PDE4D: variants seen among roughly 807,000 people sequenced by gnomAD.
PDE4D encodes the protein 3',5'-cyclic-AMP phosphodiesterase 4D.
Under a neutral mutation model 87.4 loss-of-function variants are expected in PDE4D, and 24 were observed. The ratio of observed to expected loss-of-function variants is 0.27; its 90% CI spans 0.20 to 0.39. The LOEUF is 0.39. Among genes scored for constraint, PDE4D ranks in the 10% least tolerant of loss-of-function variants. The probability of loss-of-function intolerance (pLI) is 1.00; values close to 1 mark genes in which losing one functional copy is unlikely to be tolerated. For synonymous variants in PDE4D, 384 were observed against 383.2 expected (o/e 1.00, Z -0.02); for missense variants, 714 against 1,041.0 (o/e 0.69, Z 4.32).
chr5:60,337,353 ATATATATATATATAT>A (rs1757874297), intron 1 of PDE4D, among the ~76,000 whole-genome samples: 4 of 86,264 alleles, frequency 4.6e-5, no homozygotes, highest in African/African-American at 1.7e-4. Context: ...CAAACAAACT[ATATATATATATATAT>A]ATATATATAT....
At chr5:60,044,530 A>G (rs924741377) in intron 2 of PDE4D, among the ~76,000 whole-genome samples, 4 of 151,722 alleles carry the variant, frequency 2.6e-5, no homozygotes, top group Non-Finnish European at 5.9e-5. Context: ...CCACCCCACA[A>G]TAGTCCCCAG....
chr5:59,661,341 G>A (rs1214666098), intron 1 of PDE4D, among the ~76,000 whole-genome samples: 2 of 152,016 alleles, frequency 1.3e-5, no homozygotes, highest in South Asian at 2.1e-4. Context: ...GTTAAGGGGC[G>A]AGACAGGGCA....
chr5:59,859,934 T>C (rs1746010148), intron 1 of PDE4D, among the ~76,000 whole-genome samples: 2 of 152,256 alleles, frequency 1.3e-5, no homozygotes, highest in South Asian at 4.1e-4. Context: ...TGTGCAGGGA[T>C]TGTAGTTGGA....
chr5:59,394,524 T>A (rs1361217063), intron 1 of PDE4D, among the ~76,000 whole-genome samples: 1 of 152,226 alleles, frequency 6.6e-6, no homozygotes, highest in Non-Finnish European at 1.5e-5. Context: ...CCCTTAGTGA[T>A]ATATATGCAC....
At chr5:59,183,451 T>A (rs1742148282) in intron 4 of PDE4D, among the ~76,000 whole-genome samples, 1 of 152,134 alleles carries the variant, frequency 6.6e-6, no homozygotes, top group South Asian at 2.1e-4. Context: ...GCCTGACTGA[T>A]CAACTATTTA....
intron 2 of PDE4D, among the ~76,000 whole-genome samples, chr5:60,010,766 TC>T (rs1764946835): frequency 6.6e-6 from 1 of 152,332 alleles, no homozygotes; most frequent in African/African-American, 2.4e-5. Context: ...TATCTTTAGT[TC>T]TAAATCATTT....
chr5:59,672,635 T>C (rs1021082535), intron 1 of PDE4D, among the ~76,000 whole-genome samples: 18 of 152,218 alleles, frequency 1.2e-4, no homozygotes, highest in Admixed American at 1.2e-3. Context: ...AAATTTTTTG[T>C]TTCTAAGTCC....
intron 1 of PDE4D, among the ~76,000 whole-genome samples, chr5:59,296,803 G>A (rs1769195967): frequency 6.6e-6 from 1 of 151,748 alleles, no homozygotes; most frequent in South Asian, 2.1e-4. Context: ...ACACACGCGT[G>A]CATGCACGTA....
chr5:60,004,125 G>A (rs1764263297), intron 2 of PDE4D, among the ~76,000 whole-genome samples: 1 of 152,232 alleles, frequency 6.6e-6, no homozygotes, highest in Non-Finnish European at 1.5e-5. Context: ...ATTTTAATAT[G>A]ATACCAAAAG....
Position 59,165,311 on chromosome 5 carries a change from T to C in PDE4D, c.808+15284A>G, listed in dbSNP as rs149919384. On this transcript the variant is annotated intron_variant, in intron 5 of 14. Transcript: ENST00000340635. ...TTTCCTAAGACAGAGTCTTCCTCTG[T>C]TATCCAGGCTGGAGTGCAGTGGCAC... Among the ~76,000 whole-genome samples the C allele has an allele frequency of 1.4e-3, 207 of 152,324 alleles. 2 individuals are homozygous for C. Among genetic ancestry groups the C allele is most frequent in the African/African-American group, 4.8e-3 (198 of 41,570 alleles).
chr5:60,518,439 A>G (rs1390456691), intron 1 of PDE4D, among the ~76,000 whole-genome samples: 1 of 152,226 alleles, frequency 6.6e-6, no homozygotes, highest in African/African-American at 2.4e-5. Context: ...ATTTTTAAGC[A>G]ACGAATACAC....
chr5:59,675,246 C>T (rs1217544810), intron 1 of PDE4D, among the ~76,000 whole-genome samples: 1 of 152,094 alleles, frequency 6.6e-6, no homozygotes, highest in Non-Finnish European at 1.5e-5. Context: ...AAGATTGCCA[C>T]GATGTAGAAT....
At chr5:59,039,453 A>G in intron 5 of PDE4D, 14 of 992,748 alleles carry the variant, frequency 1.4e-5, no homozygotes, top group Non-Finnish European at 1.6e-5. Context: ...CCGCCTGCCG[A>G]GCCTTCTGCA....
At chr5:59,035,155 G>C (rs1003905710) in intron 6 of PDE4D, among the ~76,000 whole-genome samples, 4 of 152,156 alleles carry the variant, frequency 2.6e-5, no homozygotes, top group Non-Finnish European at 5.9e-5. Context: ...CTGCTTAAAA[G>C]GTGTTTTACT....
At chr5:59,405,315 C>T (rs1791423100) in intron 1 of PDE4D, among the ~76,000 whole-genome samples, 1 of 151,904 alleles carries the variant, frequency 6.6e-6, no homozygotes, top group Admixed American at 6.6e-5. Context: ...AAGTTAATTC[C>T]TAGGTATTTT....
chr5:59,647,016 C>CAG (rs1000863637), intron 1 of PDE4D, among the ~76,000 whole-genome samples: 1 of 152,122 alleles, frequency 6.6e-6, no homozygotes, highest in Non-Finnish European at 1.5e-5. Flanking sequence ...GCCTGGGTGA[C>CAG]AGAGAGAGAC....
intron 1 of PDE4D, among the ~76,000 whole-genome samples, chr5:59,283,300 T>C (rs1219240995): frequency 1.3e-5 from 2 of 152,226 alleles, no homozygotes; most frequent in Non-Finnish European, 2.9e-5. Context: ...GTTTGTGCTT[T>C]TGTCTTCCTT....
At chr5:59,741,550 G>C (rs903680985) in intron 1 of PDE4D, among the ~76,000 whole-genome samples, 3 of 152,096 alleles carry the variant, frequency 2.0e-5, no homozygotes, top group Non-Finnish European at 4.4e-5. Context: ...GCTATATAAA[G>C]TTGCCGTATA....
At chr5:59,206,783 T>C (rs1460828133) in intron 2 of PDE4D, among the ~76,000 whole-genome samples, 1 of 152,200 alleles carries the variant, frequency 6.6e-6, no homozygotes, top group Non-Finnish European at 1.5e-5. Flanking sequence ...CATCAATTAA[T>C]ACACACCTTT....
Sources: allele counts gnomAD v4.1 joint callset (sites outside exome capture counted in the v4.1 genomes callset), GRCh38; gene constraint gnomAD v4.1.1; transcripts MANE v1.5; gene names NCBI Gene and HGNC (gene_info 2026-07-23, HGNC 2026-07-21).